ASIC2: variants seen among roughly 807,000 people sequenced by gnomAD.
ASIC2 encodes acid-sensing ion channel 2.
In ASIC2, 25 loss-of-function variants were observed where a neutral mutation model predicts 57.3. The observed-to-expected ratio is 0.44, with a 90% CI of 0.32 to 0.61. The LOEUF is 0.61. Among genes scored for constraint, ASIC2 ranks in the 20% least tolerant of loss-of-function variants. The probability of loss-of-function intolerance (pLI) is 0.06; values close to 1 mark genes in which losing one functional copy is unlikely to be tolerated. For missense variants in ASIC2, 641 were observed against 738.1 expected (o/e 0.87, Z 1.52); for synonymous variants, 319 against 307.5 (o/e 1.04, Z -0.39).
chr17:33,755,293 G>C (rs1015862821), intron 1 of ASIC2, among the ~76,000 whole-genome samples: 1 of 152,220 alleles, frequency 6.6e-6, no homozygotes, highest in Non-Finnish European at 1.5e-5. Flanking sequence ...GCACGACCCT[G>C]CTGTTACCTT....
chr17:34,127,139 AAG>A (rs1236999497), intron 1 of ASIC2, among the ~76,000 whole-genome samples: 2 of 152,226 alleles, frequency 1.3e-5, no homozygotes, highest in Admixed American at 1.3e-4. Flanking sequence ...CAGCTTCAGT[AAG>A]AGGGGGTTTG....
At chr17:34,087,986 T>C (rs1910174244) in intron 1 of ASIC2, among the ~76,000 whole-genome samples, 1 of 152,140 alleles carries the variant, frequency 6.6e-6, no homozygotes, top group South Asian at 2.1e-4. Flanking sequence ...TTGGTTTGAA[T>C]TTCCTCCTGT....
intron 1 of ASIC2, among the ~76,000 whole-genome samples, chr17:33,290,019 T>C (rs1312150721): frequency 6.6e-6 from 1 of 152,192 alleles, no homozygotes; most frequent in Non-Finnish European, 1.5e-5. Context: ...GTTAACAGCA[T>C]CTCCTACTTG....
chr17:33,272,790 C>A (rs892553248), intron 1 of ASIC2, among the ~76,000 whole-genome samples: 11 of 152,210 alleles, frequency 7.2e-5, no homozygotes, highest in Admixed American at 1.3e-4. Flanking sequence ...TATAGATTAT[C>A]TCTTTGGTTT....
At chr17:33,359,583 A>G (rs1730298227) in intron 1 of ASIC2, among the ~76,000 whole-genome samples, 1 of 152,240 alleles carries the variant, frequency 6.6e-6, no homozygotes, top group Admixed American at 6.5e-5. Flanking sequence ...AGAGGTACCT[A>G]GAACTTAATT....
chr17:33,080,325 A>G (rs1048088541), intron 3 of ASIC2, among the ~76,000 whole-genome samples: 7 of 152,154 alleles, frequency 4.6e-5, no homozygotes, highest in Non-Finnish European at 1.0e-4. Context: ...GTCCCTGTCA[A>G]CAGAGGCTGG....
intron 1 of ASIC2, among the ~76,000 whole-genome samples, chr17:33,364,857 A>G (rs555654308): frequency 6.6e-6 from 1 of 152,278 alleles, no homozygotes; most frequent in East Asian, 1.9e-4. Context: ...CCCCTTCGTT[A>G]CTGTGTCTGA....
intron 1 of ASIC2, among the ~76,000 whole-genome samples, chr17:33,226,801 C>T (rs928051748): frequency 6.6e-6 from 1 of 152,108 alleles, no homozygotes; most frequent in African/African-American, 2.4e-5. Flanking sequence ...TGAGACAGTG[C>T]TGTCCAATAG....
At chr17:33,337,890 G>C (rs1907578527) in intron 1 of ASIC2, among the ~76,000 whole-genome samples, 1 of 150,336 alleles carries the variant, frequency 6.7e-6, no homozygotes, top group Non-Finnish European at 1.5e-5. Flanking sequence ...AAGTGGAAGT[G>C]TTCCTTCTGA....
intron 1 of ASIC2, among the ~76,000 whole-genome samples, chr17:33,795,895 G>C (rs1911901199): frequency 6.6e-6 from 1 of 152,220 alleles, no homozygotes; most frequent in Non-Finnish European, 1.5e-5. Context: ...TCCCCTTGAA[G>C]TTAAACAACA....
intron 1 of ASIC2, among the ~76,000 whole-genome samples, chr17:33,714,222 G>A (rs112149013): frequency 1.5e-4 from 23 of 152,152 alleles, no homozygotes; most frequent in Middle Eastern, 3.4e-3. Context: ...AATTTCACCC[G>A]TACATATACA....
chr17:33,719,765 G>T (rs556962396), intron 1 of ASIC2, among the ~76,000 whole-genome samples: 1 of 152,302 alleles, frequency 6.6e-6, no homozygotes, highest in South Asian at 2.1e-4. Flanking sequence ...GTTTGTGCAG[G>T]GCTGGGGAGC....
intron 3 of ASIC2, among the ~76,000 whole-genome samples, chr17:33,087,799 T>C (rs2092140728): frequency 6.6e-6 from 1 of 151,846 alleles, no homozygotes. Flanking sequence ...GCTCAAGGAA[T>C]TCTCCTGCCT....
intron 1 of ASIC2, among the ~76,000 whole-genome samples, chr17:33,396,935 ATAGC>A (rs1188797867): frequency 2.6e-5 from 4 of 152,212 alleles, no homozygotes; most frequent in Non-Finnish European, 5.9e-5. Context: ...GTAGGTTATA[ATAGC>A]TAGGCACAAG....
Position 33,324,108 on chromosome 17 carries a change from G to A in ASIC2, c.556-212041C>T, listed in dbSNP as rs375274050. Among the ~76,000 whole-genome samples the A allele has an allele frequency of 1.1e-4, 17 of 152,326 alleles. No homozygotes were observed. In the South Asian group the frequency reaches 3.5e-3, roughly 32 times the overall value. ...GGAGTATGTAAAAGATCTCGATGGTGAACTGGGTCCTCCTGTGTTAACCAT... is the reference window on the plus strand; with the variant it reads ...GGAGTATGTAAAAGATCTCGATGGTAAACTGGGTCCTCCTGTGTTAACCAT... On this transcript the variant is annotated intron_variant, in intron 1 of 9. Coordinates refer to the ASIC2 transcript ENST00000359872.
intron 1 of ASIC2, chr17:33,792,793 G>A (rs919240650): frequency 3.3e-5 from 5 of 152,196 alleles, no homozygotes; most frequent in African/African-American, 1.2e-4. Flanking sequence ...TGCTCCATGA[G>A]GAACTTCTTA....
intron 1 of ASIC2, 145 bp downstream of exon 1, chr17:33,291,263 C>T (rs570328092): frequency 4.2e-6 from 6 of 1,414,228 alleles, no homozygotes; most frequent in Admixed American, 5.9e-5. Context: ...ACTCAGGGGA[C>T]CCAAGAATGG....
intron 1 of ASIC2, among the ~76,000 whole-genome samples, chr17:34,016,952 T>C (rs1907001293): frequency 6.6e-6 from 1 of 152,246 alleles, no homozygotes; most frequent in African/African-American, 2.4e-5. Flanking sequence ...TGCCTCATTA[T>C]TTTGGTTATC....
At chr17:33,132,227 T>G (rs551742244) in intron 1 of ASIC2, among the ~76,000 whole-genome samples, 38 of 152,356 alleles carry the variant, frequency 2.5e-4, no homozygotes, top group Non-Finnish European at 4.4e-4. Flanking sequence ...ACATTTAAAC[T>G]TATGCAATGT....
Sources: gnomAD v4.1 joint callset for allele counts (sites outside exome capture counted in the v4.1 genomes callset) on GRCh38, gnomAD v4.1.1 for gene constraint, MANE v1.5 for transcripts, NCBI Gene and HGNC (gene_info 2026-07-23, HGNC 2026-07-21) for gene names.